The following SIAH3 variants were observed in gnomAD, a reference collection of about 807,000 sequenced individuals.
SIAH3 encodes the protein siah E3 ubiquitin protein ligase family member 3, also known as seven in absentia homolog 3.
SIAH3 carries 9 observed loss-of-function variants against 12.6 expected under a neutral mutation model. The ratio of observed to expected loss-of-function variants is 0.72; its 90% CI spans 0.43 to 1.25. SIAH3 has a LOEUF of 1.25. Ranked by LOEUF, SIAH3 falls within the 50% of genes most tolerant of loss-of-function variation. The probability of loss-of-function intolerance (pLI) is 0.00; values close to 1 mark genes in which losing one functional copy is unlikely to be tolerated. For missense variants in SIAH3, 390 were observed against 365.4 expected (o/e 1.07, Z -0.55); for synonymous variants, 154 against 151.1 (o/e 1.02, Z -0.14).
Position 45,783,697 on chromosome 13 carries a change from G to T in SIAH3, c.496C>A (p.His166Asn), listed in dbSNP as rs1209900225. ...TGTTTCCTCAGCACCAACAGAAAGT[G>T]GTGGCCAAGGCAGGAGTGCATGATG... ...WIIMHSCLGH[H>N]FLLVLRKQER... The change falls in exon 2 of 2, where the codon CAC becomes AAC. Residue 166 changes from histidine (H) to asparagine (N), a missense_variant. Transcript: ENST00000400405. The T allele has an allele frequency of 6.2e-7, 1 of 1,614,160 alleles. No individual in the cohort carries two copies. The highest frequency in any genetic ancestry group is 1.7e-5 in the Admixed American group (1 of 60,028).
At chr13:45,817,139 G>A (rs1293938146) in intron 1 of SIAH3, among the ~76,000 whole-genome samples, 1 of 152,330 alleles carries the variant, frequency 6.6e-6, no homozygotes, top group South Asian at 2.1e-4. Context: ...GACACACAGA[G>A]TCATGCACTG....
At chr13:45,845,436 G>A (rs6561270) in intron 1 of SIAH3, among the ~76,000 whole-genome samples, 28,863 of 151,988 alleles carry the variant, frequency 0.19, 5,270 homozygotes, top group African/African-American at 0.48. Flanking sequence ...TGTCCATCAC[G>A]GTGTTTCAGA....
chr13:45,789,416 C>A (rs1277265431), intron 1 of SIAH3, among the ~76,000 whole-genome samples: 1 of 124,266 alleles, frequency 8.0e-6, no homozygotes, highest in African/African-American at 2.9e-5. Flanking sequence ...ATCTATCTAT[C>A]TATATGTTGA....
intron 1 of SIAH3, among the ~76,000 whole-genome samples, chr13:45,800,560 T>G (rs1950578204): frequency 6.6e-6 from 1 of 152,306 alleles, no homozygotes; most frequent in East Asian, 1.9e-4. Flanking sequence ...CCCTCAACCT[T>G]CCTTGTTCAG....
chr13:45,823,881 C>G (rs183707536), intron 1 of SIAH3, among the ~76,000 whole-genome samples: 21 of 152,350 alleles, frequency 1.4e-4, no homozygotes, highest in Middle Eastern at 3.4e-3. Flanking sequence ...CTTACTGGCT[C>G]TGAGCCTCAG....
chr13:45,809,211 G>A (rs150050047), intron 1 of SIAH3, among the ~76,000 whole-genome samples: 9 of 152,344 alleles, frequency 5.9e-5, no homozygotes, highest in East Asian at 1.9e-4. Context: ...GGGAGAATGC[G>A]TGTGTTGGGG....
At chr13:45,829,261 T>C (rs550789014) in intron 1 of SIAH3, among the ~76,000 whole-genome samples, 3 of 152,244 alleles carry the variant, frequency 2.0e-5, no homozygotes, top group African/African-American at 7.2e-5. Context: ...CTGTGCAGCT[T>C]GGTGAATTTT....
At chr13:45,837,331 C>T (rs1168760208) in intron 1 of SIAH3, among the ~76,000 whole-genome samples, 1 of 152,206 alleles carries the variant, frequency 6.6e-6, no homozygotes, top group East Asian at 1.9e-4. Flanking sequence ...GGCTCACTTC[C>T]TTTCCTAATT....
chr13:45,821,477 C>T (rs940153150), intron 1 of SIAH3, among the ~76,000 whole-genome samples: 12 of 152,220 alleles, frequency 7.9e-5, no homozygotes, highest in African/African-American at 2.2e-4. Context: ...TTTCTTGTCT[C>T]CCCAGCAAAG....
intron 1 of SIAH3, among the ~76,000 whole-genome samples, chr13:45,786,319 G>C (rs59292392): frequency 0.028 from 4,272 of 152,222 alleles, 190 homozygotes; most frequent in African/African-American, 0.094. Flanking sequence ...CTCTGAGAAG[G>C]CCCCTCTCTA....
intron 1 of SIAH3, among the ~76,000 whole-genome samples, chr13:45,848,343 G>T (rs962509732): frequency 6.6e-6 from 1 of 152,132 alleles, no homozygotes; most frequent in Non-Finnish European, 1.5e-5. Flanking sequence ...CCACTGCCTG[G>T]CACTCACTGA....
At chr13:45,810,759 T>G (rs1950613889) in intron 1 of SIAH3, among the ~76,000 whole-genome samples, 1 of 152,220 alleles carries the variant, frequency 6.6e-6, no homozygotes, top group Non-Finnish European at 1.5e-5. Context: ...CAGTTATGGA[T>G]GGCTCTAGAG....
chr13:45,810,518 C>T (rs1055022274), intron 1 of SIAH3, among the ~76,000 whole-genome samples: 1 of 152,124 alleles, frequency 6.6e-6, no homozygotes, highest in African/African-American at 2.4e-5. Context: ...GAAAATCACC[C>T]TCTGGAAATA....
At chr13:45,815,945 C>T (rs1377477072) in intron 1 of SIAH3, among the ~76,000 whole-genome samples, 5 of 152,248 alleles carry the variant, frequency 3.3e-5, no homozygotes, top group African/African-American at 1.2e-4. Context: ...TTCAGGAGCC[C>T]AGGCCCACAT....
chr13:45,850,958 CA>C (rs1950778752), intron 1 of SIAH3, among the ~76,000 whole-genome samples: 1 of 144,060 alleles, frequency 6.9e-6, no homozygotes. Flanking sequence ...CACACACACA[CA>C]CACACGAGTC....
chr13:45,836,357 C>T (rs1004024152), intron 1 of SIAH3, among the ~76,000 whole-genome samples: 2 of 152,250 alleles, frequency 1.3e-5, no homozygotes, highest in Middle Eastern at 6.8e-3. Context: ...TGCATATACG[C>T]CATGGAATAC....
chr13:45,778,844 T>G lies in SIAH3; in HGVS notation c.*4539A>C, dbSNP rs1161866707. 1 of 152,170 alleles carries G rather than the reference T, an allele frequency of 6.6e-6. No homozygotes were observed. The highest frequency in any genetic ancestry group is 1.5e-5 in the Non-Finnish European group (1 of 68,030). 9.4% of individuals were successfully genotyped at this position (152,170 alleles called of 1,614,324 possible). ...GTATTATAAGTACTCTAGAGATTAT[T>G]TAAAGTATATGGGAGGATTGCGTAG... is the stretch of plus-strand genomic sequence containing the variant. On this transcript the variant is annotated 3_prime_UTR_variant, in exon 2 of 2. Coordinates refer to ENST00000400405, the MANE Select transcript of SIAH3 (RefSeq NM_198849.3).
At position 45,829,962 on chromosome 13, in the gene SIAH3, C is replaced by T. The variant is rs539181967; in HGVS notation, c.135+21533G>A. Among the ~76,000 whole-genome samples, 16 of 152,192 alleles carry T rather than the reference C, an allele frequency of 1.1e-4. No individual in the cohort carries two copies. In the South Asian group the frequency reaches 2.9e-3, roughly 28 times the overall value. On this transcript the variant is annotated intron_variant, in intron 1 of 1. Transcript: ENST00000400405. ...GGCCTGCCTCTAACATTTGCGAGAC[C>T]CTGGGCAAGGGTCACAGAAAGAAGC...
chr13:45,843,602 C>T (rs1381156143), intron 1 of SIAH3, among the ~76,000 whole-genome samples: 1 of 152,200 alleles, frequency 6.6e-6, no homozygotes, highest in East Asian at 1.9e-4. Context: ...CTTCCAGGCT[C>T]AGAGCCCAGT....
Sources: gnomAD v4.1 joint callset for allele counts (sites outside exome capture counted in the v4.1 genomes callset) on GRCh38, gnomAD v4.1.1 for gene constraint, MANE v1.5 for transcripts, NCBI Gene and HGNC (gene_info 2026-07-23, HGNC 2026-07-21) for gene names.